Variants in FBXL17 observed in about 807,000 individuals in gnomAD.
FBXL17 encodes F-box and leucine rich repeat protein 17, also known as F-box/LRR-repeat protein 17.
A neutral mutation model predicts 66.2 loss-of-function variants in FBXL17; 22 were observed. The ratio of observed to expected loss-of-function variants is 0.33; its 90% CI spans 0.24 to 0.47. The LOEUF (loss-of-function observed/expected upper bound fraction) is 0.47, where lower values mean the gene tolerates loss of function less well. Among genes scored for constraint, FBXL17 ranks in the 20% least tolerant of loss-of-function variants. The pLI, the probability that FBXL17 is intolerant of heterozygous loss-of-function variation, is 1.00. For synonymous variants in FBXL17, 474 were observed against 400.5 expected, an observed-to-expected ratio of 1.18 and a Z score of -2.19; for missense variants, 878 against 948.2, an observed-to-expected ratio of 0.93 and a Z score of 0.97.
At chr5:107,890,675 A>AC (rs943077661) in intron 7 of FBXL17, among the ~76,000 whole-genome samples, 1 of 148,200 alleles carries the variant, frequency 6.7e-6, no homozygotes, top group African/African-American at 2.5e-5. Context: ...GGAAAAAAAA[A>AC]AAAAAATTGT....
intron 7 of FBXL17, among the ~76,000 whole-genome samples, chr5:108,004,039 G>A (rs373205852): frequency 9.2e-5 from 14 of 151,908 alleles, no homozygotes; most frequent in Non-Finnish European, 1.5e-4. Context: ...GAAAAGCTGC[G>A]CAACATTAAA....
At chr5:108,363,999 T>C (rs1748501790) in intron 3 of FBXL17, among the ~76,000 whole-genome samples, 1 of 152,074 alleles carries the variant, frequency 6.6e-6, no homozygotes. Flanking sequence ...TAAGACTTTT[T>C]GCACAATATG....
rs188602704 is a variant in FBXL17, at chr5:108,259,845, C to T, written c.1507-35617G>A. On this transcript the variant is annotated intron_variant, in intron 4 of 8. Coordinates refer to ENST00000542267, the MANE Select transcript of FBXL17 (RefSeq NM_001163315.3). ...CAATAGATTATTATTTTTAAATTTA[C>T]CTACTTGGCACTAACGGTTTTTAAA... 1.7e-4 allele frequency among the ~76,000 whole-genome samples: 26 copies of T among 151,924 alleles called. No individual in the cohort carries two copies. In the East Asian group the frequency reaches 4.5e-3, roughly 26 times the overall value.
chr5:108,225,759 C>A (rs937714397), intron 4 of FBXL17, among the ~76,000 whole-genome samples: 8 of 152,208 alleles, frequency 5.3e-5, no homozygotes, highest in Non-Finnish European at 1.0e-4. Context: ...TCCACTCTCT[C>A]TTGATCTCAT....
At chr5:108,265,296 T>C (rs997490678) in intron 4 of FBXL17, among the ~76,000 whole-genome samples, 4 of 152,128 alleles carry the variant, frequency 2.6e-5, no homozygotes, top group Admixed American at 2.6e-4. Flanking sequence ...GAAAAAAAAA[T>C]TCAATTTGAC....
rs184132670 is a variant in FBXL17, at chr5:108,380,389, T to A, written c.993+310A>T. Among the ~76,000 whole-genome samples the A allele has an allele frequency of 1.5e-3, 226 of 151,954 alleles. 1 individual carries two copies. Among genetic ancestry groups the A allele is most frequent in the African/African-American group, 3.7e-3 (155 of 41,368 alleles). ...AAGTATAAATTCCTCGATTAAAAAA[T>A]TTTTTTTTCCACAGAATACCTGCGA... On this transcript the variant is annotated intron_variant, in intron 1 of 8. Coordinates refer to ENST00000542267, the MANE Select transcript of FBXL17 (RefSeq NM_001163315.3).
intron 6 of FBXL17, among the ~76,000 whole-genome samples, chr5:108,055,630 A>AAAAAAAAAG (rs1554060745): frequency 6.7e-6 from 1 of 149,114 alleles, no homozygotes; most frequent in African/African-American, 2.5e-5. Context: ...AAAAAAAAAA[A>AAAAAAAAAG]AGAGAGAAAA....
intron 7 of FBXL17, among the ~76,000 whole-genome samples, chr5:107,942,210 C>A (rs1368933779): frequency 6.6e-6 from 1 of 152,154 alleles, no homozygotes; most frequent in East Asian, 1.9e-4. Context: ...TCCTTCCCCA[C>A]CACCATGGTT....
intron 5 of FBXL17, among the ~76,000 whole-genome samples, chr5:108,217,303 A>G (rs756640670): frequency 6.6e-6 from 1 of 152,138 alleles, no homozygotes; most frequent in Non-Finnish European, 1.5e-5. Context: ...TGGAGGTAGG[A>G]CAAGAACTCC....
intron 4 of FBXL17, among the ~76,000 whole-genome samples, chr5:108,323,580 C>T (rs979556738): frequency 5.9e-5 from 9 of 151,640 alleles, no homozygotes; most frequent in Non-Finnish European, 1.2e-4. Flanking sequence ...GCATTTTTTG[C>T]AGAAAAAGAA....
chr5:107,899,726 G>T (rs951544364), intron 7 of FBXL17, among the ~76,000 whole-genome samples: 2 of 152,134 alleles, frequency 1.3e-5, no homozygotes, highest in Admixed American at 1.3e-4. Context: ...TTTTCTAAAC[G>T]TAAGTTGTAT....
chr5:108,275,449 A>T (rs1273861742), intron 4 of FBXL17, among the ~76,000 whole-genome samples: 2 of 152,208 alleles, frequency 1.3e-5, no homozygotes, highest in South Asian at 4.1e-4. Flanking sequence ...CTTACCCTGA[A>T]TATGTTTCCA....
chr5:108,293,551 G>C (rs762970222), intron 4 of FBXL17, among the ~76,000 whole-genome samples: 1 of 152,064 alleles, frequency 6.6e-6, no homozygotes, highest in Non-Finnish European at 1.5e-5. Flanking sequence ...CTTCAAAATT[G>C]TAAGTCTAAA....
At chr5:108,009,300 T>TATATATATATATATAC (rs1554056634) in intron 7 of FBXL17, among the ~76,000 whole-genome samples, 6 of 63,270 alleles carry the variant, frequency 9.5e-5, no homozygotes, top group Non-Finnish European at 1.8e-4. Flanking sequence ...TATATATATA[T>TATATATATATATATAC]ACATATATAC....
In FBXL17 at chr5:107,989,419, C is replaced by T. The variant is rs1753145374; in HGVS notation, c.1822+31506G>A. Among the ~76,000 whole-genome samples, 5 of 152,044 alleles carry T rather than the reference C, an allele frequency of 3.3e-5. No individual in the cohort carries two copies. In the South Asian group the frequency reaches 1.0e-3, roughly 31 times the overall value. The stretch of plus-strand genomic sequence containing the variant: ...TCTGTGCCTGGTTTATTTCACTTAA[C>T]ATAAAGTCCTCTAGTTCCTAGTTCC... On this transcript the variant is annotated intron_variant, in intron 7 of 8. Transcript: ENST00000542267.
chr5:108,318,537 G>A (rs1759475588), intron 4 of FBXL17, among the ~76,000 whole-genome samples: 1 of 151,664 alleles, frequency 6.6e-6, no homozygotes, highest in South Asian at 2.1e-4. Flanking sequence ...AGTTTTAAAG[G>A]CTAATAGCAT....
chr5:108,120,721 T>G (rs938434378), intron 6 of FBXL17, among the ~76,000 whole-genome samples: 1 of 152,090 alleles, frequency 6.6e-6, no homozygotes, highest in East Asian at 1.9e-4. Context: ...TAGTCGTAGC[T>G]ACTCAGAAGG....
At chr5:108,311,097 G>A (rs1406454119) in intron 4 of FBXL17, among the ~76,000 whole-genome samples, 1 of 152,132 alleles carries the variant, frequency 6.6e-6, no homozygotes, top group Non-Finnish European at 1.5e-5. Flanking sequence ...TGAAATCACT[G>A]CATTCTACCT....
At chr5:108,033,637 A>T (rs1457656852) in intron 6 of FBXL17, among the ~76,000 whole-genome samples, 1 of 152,200 alleles carries the variant, frequency 6.6e-6, no homozygotes, top group African/African-American at 2.4e-5. Flanking sequence ...GAGTATTAGT[A>T]GTACACACGT....
Sources: allele counts gnomAD v4.1 joint callset (sites outside exome capture counted in the v4.1 genomes callset), GRCh38; gene constraint gnomAD v4.1.1; transcripts MANE v1.5; gene names NCBI Gene and HGNC (gene_info 2026-07-23, HGNC 2026-07-21).